SLTM: variants seen among roughly 807,000 people sequenced by gnomAD.
SLTM encodes the protein SAFB-like transcription modulator.
Under a neutral mutation model 134.6 loss-of-function variants are expected in SLTM, and 43 were observed. The ratio of observed to expected loss-of-function variants is 0.32; its 90% CI spans 0.25 to 0.41. The LOEUF (loss-of-function observed/expected upper bound fraction) is 0.41, where lower values mean the gene tolerates loss of function less well. Ranked by LOEUF, SLTM falls within the 10% of genes least tolerant of loss-of-function variation. The pLI, the probability that SLTM is intolerant of heterozygous loss-of-function variation, is 1.00. For synonymous variants in SLTM, 424 were observed against 432.3 expected (o/e 0.98, Z 0.24); for missense variants, 1,055 against 1,288.8 (o/e 0.82, Z 2.78).
chr15:58,893,855 T>C lies in SLTM; in HGVS notation c.1614A>G (p.Glu538=). The C allele has an allele frequency of 6.2e-7, 1 of 1,613,070 alleles. No homozygotes were observed. The highest frequency in any genetic ancestry group is 8.5e-7 in the Non-Finnish European group (1 of 1,179,786). ...TCTTTTCTTCACTTTTTTTAATCGA[T>C]TCTGATGTTTGGCCACTTGCTCCAT... ...NDNGASGQTS[E]SIKKSEEKKR... is the part of the protein sequence containing the mutation. Residue 538 remains glutamate, a synonymous_variant, in exon 12 of 21, where the codon GAA becomes GAG. Transcript: ENST00000380516.
chr15:58,891,597 A>AT (rs2034647626), intron 14 of SLTM, among the ~76,000 whole-genome samples: 1 of 152,206 alleles, frequency 6.6e-6, no homozygotes, highest in African/African-American at 2.4e-5. Context: ...CCAATACAAC[A>AT]TATTAAATGA....
chr15:58,902,784 C>T (rs2035580404), intron 5 of SLTM, among the ~76,000 whole-genome samples: 1 of 150,622 alleles, frequency 6.6e-6, no homozygotes, highest in African/African-American at 2.4e-5. Flanking sequence ...AGTGCAGTGG[C>T]ATGATCTCAG....
chr15:58,891,228 T>C (rs141716518), intron 14 of SLTM, among the ~76,000 whole-genome samples: 1 of 152,300 alleles, frequency 6.6e-6, no homozygotes, highest in Non-Finnish European at 1.5e-5. Context: ...CAGATACTAG[T>C]GTTTAGTGTA....
chr15:58,932,376 T>C lies in SLTM; in HGVS notation c.230A>G (p.Lys77Arg), dbSNP rs2037938557. 2 of 1,613,364 alleles carry C rather than the reference T, an allele frequency of 1.2e-6. No individual in the cohort carries two copies. The highest frequency in any genetic ancestry group is 1.3e-5 in the African/African-American group (1 of 74,938). Residue 77 changes from lysine to arginine, a missense_variant, in exon 2 of 21, where the codon AAG becomes AGG. Lys to Arg is a conservative substitution (Grantham distance 26, BLOSUM62 2). Transcript: ENST00000380516. ...ELTVSTDTPN[K>R]KPTKGKGKKH... The stretch of plus-strand genomic sequence containing the variant: ...ACAACCTTTGCCTTTAGTTGGTTTC[T>C]TGTTTGGAGTATCAGTTGAAACAGT...
chr15:58,888,705 A>C, intron 16 of SLTM, 150 bp from the exon 17 acceptor site: 1 of 589,200 alleles, frequency 1.7e-6, no homozygotes, highest in Non-Finnish European at 2.8e-6. Flanking sequence ...ACAAACTAGC[A>C]AAGACTTAAT....
intron 4 of SLTM, 65 bp from the exon 5 acceptor site, chr15:58,912,675 A>T (rs2036366238): frequency 1.6e-6 from 2 of 1,278,830 alleles, no homozygotes; most frequent in Non-Finnish European, 2.2e-6. Flanking sequence ...GAATGCTTTT[A>T]TGCTTACACC....
At chr15:58,929,448 CA>C in intron 2 of SLTM, among the ~76,000 whole-genome samples, 1 of 151,104 alleles carries the variant, frequency 6.6e-6, no homozygotes, top group African/African-American at 2.4e-5. Context: ...AACTCCATCT[CA>C]AAAAAAAGAA....
At chr15:58,892,830 G>A in intron 14 of SLTM, 67 bp downstream of exon 14, 1 of 1,479,910 alleles carries the variant, frequency 6.8e-7, no homozygotes, top group South Asian at 1.2e-5. Context: ...CCAGAAATAT[G>A]GCTTACAACT....
intron 20 of SLTM, 56 bp downstream of exon 20, chr15:58,883,570 A>G (rs912894008): frequency 6.3e-7 from 1 of 1,599,338 alleles, no homozygotes; most frequent in Non-Finnish European, 8.6e-7. Context: ...AATGACTTTT[A>G]TGGAAAGGAT....
chr15:58,922,388 A>G (rs2037121592), intron 2 of SLTM, among the ~76,000 whole-genome samples: 1 of 146,590 alleles, frequency 6.8e-6, no homozygotes, highest in South Asian at 2.1e-4. Context: ...AAAAAAAAAA[A>G]AAAAAAAAAA....
rs774202250 is a variant in SLTM at position 58,895,641 on chromosome 15, G to A, written c.1228-1059C>T. ...ATAGCCATTTATTTTTTAACTCCAC[G>A]GGTCTTCTTACCAAATAAATGGTAT... On this transcript the variant is annotated intron_variant, in intron 9 of 20. Transcript: ENST00000380516. Among the ~76,000 whole-genome samples the A allele has an allele frequency of 4.1e-4, 62 of 152,070 alleles. 1 individual carries two copies. The highest frequency in any genetic ancestry group is 2.0e-4 in the Admixed American group (3 of 15,264).
chr15:58,893,390 A>C (rs2034818473), intron 12 of SLTM, 26 bp from the exon 13 acceptor site: 1 of 1,505,136 alleles, frequency 6.6e-7, no homozygotes, highest in East Asian at 2.3e-5. Flanking sequence ...TATATAAAAC[A>C]ATGTCTAAAA....
At chr15:58,885,170 C>T (rs1422771178) in intron 19 of SLTM, among the ~76,000 whole-genome samples, 1 of 152,126 alleles carries the variant, frequency 6.6e-6, no homozygotes, top group Non-Finnish European at 1.5e-5. Flanking sequence ...TTACAAGGTG[C>T]TACATCCATA....
At chr15:58,900,352 G>T (rs2141030921) in intron 6 of SLTM, 1 of 171,524 alleles carries the variant, frequency 5.8e-6, no homozygotes, top group East Asian at 1.6e-4. Context: ...TTCTTGACAG[G>T]TAACAGTCTG....
At chr15:58,916,860 C>T (rs2141153132) in intron 3 of SLTM, 75 bp downstream of exon 3, 1 of 1,358,560 alleles carries the variant, frequency 7.4e-7, no homozygotes, top group Non-Finnish European at 1.0e-6. Flanking sequence ...CATTGTTCAA[C>T]AAAAAGCACA....
chr15:58,885,732 C>T (rs535331508), intron 19 of SLTM, among the ~76,000 whole-genome samples: 2 of 151,932 alleles, frequency 1.3e-5, no homozygotes, highest in East Asian at 1.9e-4. Context: ...TGCCGTGAGC[C>T]GAGATCGCAC....
intron 2 of SLTM, among the ~76,000 whole-genome samples, chr15:58,924,366 G>A (rs2037314512): frequency 6.6e-6 from 1 of 152,194 alleles, no homozygotes; most frequent in Non-Finnish European, 1.5e-5. Flanking sequence ...AAACATTTAT[G>A]TAGCATAAAT....
intron 9 of SLTM, 40 bp from the exon 10 acceptor site, chr15:58,894,622 TCC>T: frequency 6.3e-7 from 1 of 1,596,426 alleles, no homozygotes; most frequent in East Asian, 2.2e-5. Context: ...TTTACAACGT[TCC>T]AAGTACACAG....
In SLTM at chr15:58,933,674, C is replaced by A. The variant is rs1260361175; in HGVS notation, c.-109G>T. 2.3e-6 allele frequency: 3 copies of A among 1,318,876 alleles called. No individual in the cohort carries two copies. In the African/African-American group the frequency reaches 4.7e-5, roughly 21 times the overall value. 81.7% of individuals were successfully genotyped at this position (1,318,876 alleles called of 1,614,324 possible). A position where few individuals can be genotyped will look rare whatever the true frequency, so the allele number is the denominator to read the frequency against. The stretch of plus-strand genomic sequence containing the variant: ...GCCGCCGGCGCCGCGCAGCGCTGCG[C>A]ACAATGAGCCGCTGGCCCCTCCCCC... On this transcript the variant is annotated 5_prime_UTR_variant, in exon 1 of 21. Transcript: ENST00000380516.
Sources: gnomAD v4.1 joint callset for allele counts (sites outside exome capture counted in the v4.1 genomes callset) on GRCh38, gnomAD v4.1.1 for gene constraint, MANE v1.5 for transcripts, NCBI Gene and HGNC (gene_info 2026-07-23, HGNC 2026-07-21) for gene names.